Variants in MS4A1 observed in about 807,000 individuals in gnomAD.
MS4A1 encodes membrane spanning 4-domains A1.
MS4A1 carries 16 observed loss-of-function variants against 26.5 expected under a neutral mutation model. The ratio of observed to expected loss-of-function variants is 0.60; its 90% CI spans 0.41 to 0.92. The LOEUF is 0.92. Ranked by LOEUF, MS4A1 falls within the 40% of genes least tolerant of loss-of-function variation. MS4A1 has a pLI of 0.00. For synonymous variants in MS4A1, 128 were observed against 117.6 expected (o/e 1.09, Z -0.57); for missense variants, 350 against 353.0 (o/e 0.99, Z 0.07).
intron 1 of MS4A1, among the ~76,000 whole-genome samples, chr11:60,459,171 C>T (rs2086228183): frequency 6.6e-6 from 1 of 152,158 alleles, no homozygotes; most frequent in African/African-American, 2.4e-5. Context: ...CAATTGATGA[C>T]CTTTGCATTT....
chr11:60,459,769 T>C (rs927570242), intron 1 of MS4A1, among the ~76,000 whole-genome samples: 13 of 152,202 alleles, frequency 8.5e-5, no homozygotes, highest in Admixed American at 2.0e-4. Context: ...TTCTTCTCTC[T>C]TTCCTCTAGC....
intron 5 of MS4A1, among the ~76,000 whole-genome samples, chr11:60,465,151 T>A (rs1003756204): frequency 1.3e-5 from 2 of 152,282 alleles, no homozygotes; most frequent in African/African-American, 2.4e-5. Flanking sequence ...ACTTGCCATG[T>A]GTAGGTCATA....
intron 4 of MS4A1, 152 bp downstream of exon 4, chr11:60,463,273 A>T: frequency 1.8e-6 from 2 of 1,131,372 alleles, no homozygotes; most frequent in Non-Finnish European, 2.6e-6. Context: ...AGGTTGACCA[A>T]ATTGAGTATA....
In MS4A1 at chr11:60,470,046, T is replaced by C. The variant is rs1361629369; in HGVS notation, c.*1578T>C. 1 of 152,126 alleles carries C rather than the reference T, an allele frequency of 6.6e-6. No homozygotes were observed. The highest frequency in any genetic ancestry group is 1.5e-5 in the Non-Finnish European group (1 of 67,952). 9.4% of individuals were successfully genotyped at this position (152,126 alleles called of 1,614,324 possible). On this transcript the variant is annotated 3_prime_UTR_variant, in exon 8 of 8. Transcript: ENST00000345732. The stretch of plus-strand genomic sequence containing the variant: ...CTAAATTAATAAAACTATCTTTGTG[T>C]TCTTTTCTGCAACAGATGATTCCAA...
Position 60,462,141 on chromosome 11 carries a change from G to A in MS4A1, c.-190-44G>A. 6 of 632,088 alleles carry A rather than the reference G, an allele frequency of 9.5e-6. No homozygotes were observed. The Admixed American group carries it at 1.1e-4, about 11-fold the overall frequency. The allele number at this position is 632,088 out of a possible 1,614,324, so 39.2% of individuals were successfully genotyped here. On this transcript the variant is annotated intron_variant, in intron 2 of 7. Transcript: ENST00000345732. ...CAAGATCACTGGCAGGGACTCCTGGGCCCACATGCTCTTCCTAAACAACCC... is the reference window on the plus strand; with the variant it reads ...CAAGATCACTGGCAGGGACTCCTGGACCCACATGCTCTTCCTAAACAACCC...
intron 6 of MS4A1, among the ~76,000 whole-genome samples, chr11:60,466,358 G>T (rs2086291626): frequency 6.6e-6 from 1 of 152,128 alleles, no homozygotes; most frequent in Admixed American, 6.6e-5. Context: ...TTATCTAATA[G>T]GGTTGTTCTG....
chr11:60,458,000 A>G (rs1330676269), intron 1 of MS4A1: 1 of 152,246 alleles, frequency 6.6e-6, no homozygotes, highest in Non-Finnish European at 1.5e-5. Flanking sequence ...TCATATTCTC[A>G]AAATGATACT....
intron 1 of MS4A1, among the ~76,000 whole-genome samples, chr11:60,457,363 G>A (rs2086212873): frequency 6.6e-6 from 1 of 152,134 alleles, no homozygotes; most frequent in Admixed American, 6.6e-5. Flanking sequence ...AGCAGGTAAT[G>A]ACAGGCCAGC....
At chr11:60,468,179 G>A (rs1176349305) in intron 7 of MS4A1, 71 bp from the exon 8 acceptor site, 2 of 1,298,626 alleles carry the variant, frequency 1.5e-6, no homozygotes, top group Non-Finnish European at 2.2e-6. Context: ...TTTGATAAAT[G>A]TTTGTGGAGA....
Position 60,461,453 on chromosome 11 carries a change from T to A in MS4A1, c.-191+293T>A, listed in dbSNP as rs528664686. Among the ~76,000 whole-genome samples the A allele has an allele frequency of 2.0e-5, 3 of 151,860 alleles. No individual in the cohort carries two copies. In the East Asian group the frequency reaches 5.8e-4, roughly 29 times the overall value. ...ATCTCAGAACAAATGGAGGAATCAC[T>A]ATTGAAACCTAGGCAATCTGACTCA... On this transcript the variant is annotated intron_variant, in intron 2 of 7. Transcript: ENST00000345732.
chr11:60,466,300 C>T (rs1307514255), intron 6 of MS4A1, 143 bp downstream of exon 6: 3 of 766,328 alleles, frequency 3.9e-6, no homozygotes, highest in Non-Finnish European at 7.1e-6. Context: ...ATTTTAACCA[C>T]ACTGTGCCTC....
intron 7 of MS4A1, 25 bp from the exon 8 acceptor site, chr11:60,468,225 T>C: frequency 1.3e-6 from 2 of 1,545,786 alleles, no homozygotes; most frequent in Non-Finnish European, 1.8e-6. Flanking sequence ...AAGTAAAGAA[T>C]GGTTTGTTTA....
At chr11:60,458,482 G>A (rs1167728970) in intron 1 of MS4A1, among the ~76,000 whole-genome samples, 1 of 152,136 alleles carries the variant, frequency 6.6e-6, no homozygotes, top group Non-Finnish European at 1.5e-5. Context: ...ATTAAATGCG[G>A]TACTGAGTGA....
At chr11:60,466,783 GT>G in intron 6 of MS4A1, 175 bp from the exon 7 acceptor site, 1 of 675,028 alleles carries the variant, frequency 1.5e-6, no homozygotes, top group East Asian at 2.8e-5. Flanking sequence ...TGTGTTAAGA[GT>G]TAGGGTTATA....
chr11:60,459,540 T>G (rs1325541078), intron 1 of MS4A1, among the ~76,000 whole-genome samples: 1 of 152,198 alleles, frequency 6.6e-6, no homozygotes, highest in Non-Finnish European at 1.5e-5. Flanking sequence ...GCTTCCTCAT[T>G]TGTGAAATGA....
chr11:60,469,462 C>T lies in MS4A1; in HGVS notation c.*994C>T, dbSNP rs932876162. ...TCAAATCCTGTGATGTTTGAAATAA[C>T]CAAATTGTCTCTCCAATGTCTGCAT... On this transcript the variant is annotated 3_prime_UTR_variant, in exon 8 of 8. Coordinates refer to ENST00000345732, the MANE Select transcript of MS4A1 (RefSeq NM_152866.3). 2.0e-5 allele frequency: 3 copies of T among 152,082 alleles called. No homozygotes were observed. Among genetic ancestry groups the T allele is most frequent in the African/African-American group, 7.2e-5 (3 of 41,416 alleles). The allele number at this position is 152,082 out of a possible 1,614,324, so 9.4% of individuals were successfully genotyped here. A position where few individuals can be genotyped will look rare whatever the true frequency, so the allele number is the denominator to read the frequency against.
rs201410616 is a variant in MS4A1, at chr11:60,470,289, C to T, written c.*1821C>T. The stretch of plus-strand genomic sequence containing the variant: ...GATTCCTTATTCTGAGAACTCCAGA[C>T]GACTGAAATATATGAGAGAAGGAAA... On this transcript the variant is annotated 3_prime_UTR_variant, in exon 8 of 8. Transcript: ENST00000345732. The T allele has an allele frequency of 2.6e-5, 4 of 151,534 alleles. No homozygotes were observed. Among genetic ancestry groups the T allele is most frequent in the South Asian group, 4.2e-4 (2 of 4,818 alleles). The allele number at this position is 151,534 out of a possible 1,614,324, so 9.4% of individuals were successfully genotyped here. A position where few individuals can be genotyped will look rare whatever the true frequency, so the allele number is the denominator to read the frequency against.
At chr11:60,458,021 G>A (rs1440667900) in intron 1 of MS4A1, 1 of 152,242 alleles carries the variant, frequency 6.6e-6, no homozygotes, top group Non-Finnish European at 1.5e-5. Context: ...TTGAAATGGG[G>A]AAGGTAACTA....
At chr11:60,457,035 C>T (rs928112648) in intron 1 of MS4A1, among the ~76,000 whole-genome samples, 2 of 152,124 alleles carry the variant, frequency 1.3e-5, no homozygotes, top group Admixed American at 1.3e-4. Flanking sequence ...CTATGCAAGT[C>T]TAGTAGGATA....
Sources: allele counts gnomAD v4.1 joint callset (sites outside exome capture counted in the v4.1 genomes callset), GRCh38; gene constraint gnomAD v4.1.1; transcripts MANE v1.5; gene names NCBI Gene and HGNC (gene_info 2026-07-23, HGNC 2026-07-21).